The following PAX6 variants were observed in gnomAD, a reference collection of about 807,000 sequenced individuals.
The protein encoded by PAX6 is paired box 6, also known as paired box protein Pax-6.
PAX6 carries 7 observed loss-of-function variants against 60.7 expected under a neutral mutation model. The observed-to-expected ratio is 0.12, with a 90% CI of 0.07 to 0.22. PAX6 has a LOEUF of 0.22. PAX6 is among the 10% of genes least tolerant of loss of function. The probability of loss-of-function intolerance (pLI) is 1.00; values close to 1 mark genes in which losing one functional copy is unlikely to be tolerated. For missense variants in PAX6, 355 were observed against 555.2 expected (o/e 0.64, Z 3.62); for synonymous variants, 208 against 201.2 (o/e 1.03, Z -0.29).
Position 31,801,588 on chromosome 11 carries a change from C to G in PAX6, c.372G>C (p.Gly124=). ...TTGGTATGTTATCGTTGGTACAGAC[C>G]CCCTCGGACAGTAATCTGTCTCGGA... ...WEIRDRLLSE[G]VCTNDNIPSV... Residue 124 remains glycine, a synonymous_variant, in exon 7 of 14, where the codon GGG becomes GGC. Coordinates refer to ENST00000640368, the MANE Select transcript of PAX6 (RefSeq NM_001368894.2). 1 of 1,614,070 alleles carries G rather than the reference C, an allele frequency of 6.2e-7. No individual in the cohort carries two copies. The highest frequency in any genetic ancestry group is 8.5e-7 in the Non-Finnish European group (1 of 1,180,010).
chr11:31,810,345 A>G (rs975797503), intron 2 of PAX6: 1 of 152,342 alleles, frequency 6.6e-6, no homozygotes, highest in African/African-American at 2.4e-5. Flanking sequence ...TCCCTCGGCG[A>G]GTCCTCGGAG....
intron 2 of PAX6, chr11:31,807,534 C>G (rs1956113127): frequency 6.6e-6 from 1 of 152,276 alleles, no homozygotes; most frequent in Non-Finnish European, 1.5e-5. Context: ...AAGGGGCAAG[C>G]CCAACTTTTT....
intron 4 of PAX6, chr11:31,805,449 G>A (rs1455190779): frequency 1.3e-5 from 2 of 152,650 alleles, no homozygotes; most frequent in East Asian, 3.9e-4. Context: ...AGGTGCTGGG[G>A]ACCCTCCTTA....
intron 8 of PAX6, among the ~76,000 whole-genome samples, chr11:31,796,237 A>T (rs904867840): frequency 2.0e-5 from 3 of 152,144 alleles, no homozygotes; most frequent in Non-Finnish European, 2.9e-5. Flanking sequence ...GAGTAAGGGA[A>T]ACTATTAAAC....
chr11:31,792,569 C>T (rs1188195582), intron 12 of PAX6: 1 of 152,654 alleles, frequency 6.6e-6, no homozygotes, highest in Non-Finnish European at 1.5e-5. Context: ...GTTGCACAAA[C>T]AGGAGTTCTA....
At position 31,790,719 on chromosome 11, in the gene PAX6, T is replaced by C. The variant is rs1322265047; in HGVS notation, c.1216A>G (p.Thr406Ala). 6.2e-7 allele frequency: 1 copy of C among 1,614,036 alleles called. No homozygotes were observed. Among genetic ancestry groups the C allele is most frequent in the South Asian group, 1.1e-5 (1 of 91,058 alleles). The change falls in exon 13 of 14, where the codon ACT (threonine) becomes GCT (alanine). Residue 406 changes from threonine (T) to alanine (A), a missense_variant. This residue lies in a region of PAX6 where 149 missense variants were observed against 191.9 expected (regional missense o/e 0.78). Transcript: ENST00000640368. ...GAAAGCAGTGGCTCACCTGTTGAAGTGGTGCCCGAGGTGCCCATTGGCTGA... is the reference window on the plus strand; with the variant it reads ...GAAAGCAGTGGCTCACCTGTTGAAGCGGTGCCCGAGGTGCCCATTGGCTGA... Reference protein sequence around the residue: ...NSQPMGTSGTTSTGLISPGVS... With the variant: ...NSQPMGTSGTASTGLISPGVS...
At chr11:31,800,590 C>T in intron 8 of PAX6, 101 bp downstream of exon 8, 2 of 1,383,488 alleles carry the variant, frequency 1.4e-6, no homozygotes, top group South Asian at 2.3e-5. Flanking sequence ...CCATGACATT[C>T]CCCAAGCATG....
chr11:31,812,128 G>T (rs1276877419), upstream of PAX6: 1 of 152,340 alleles, frequency 6.6e-6, no homozygotes, highest in African/African-American at 2.4e-5. Context: ...AAGCCCTGAA[G>T]AGTCCTCACC....
chr11:31,790,892 G>A (rs760026557), intron 12 of PAX6, 32 bp from the exon 13 acceptor site: 13 of 1,610,488 alleles, frequency 8.1e-6, no homozygotes, highest in African/African-American at 1.3e-5. Context: ...TGTGGTTACT[G>A]AGGAACACAT....
rs1297422442 is a variant in PAX6, at chr11:31,800,792, C to T, written c.464G>A (p.Gly155Asp). ...CAACATCCTTAGTTTATCATACATG[C>T]CGTCTGCGCCCATCTGTTGCTTTTC... ...ASEKQQMGAD[G>D]MYDKLRMLNG... Residue 155 changes from glycine to aspartate, a missense_variant, in exon 8 of 14, where the codon GGC becomes GAC. Physicochemically the swap from Gly to Asp is moderately conservative, Grantham distance 94. This residue lies in a region of PAX6 where 143 missense variants were observed against 183.6 expected (regional missense o/e 0.78). Transcript: ENST00000640368. 1 of 1,614,200 alleles carries T rather than the reference C, an allele frequency of 6.2e-7. No homozygotes were observed. Among genetic ancestry groups the T allele is most frequent in the Admixed American group, 1.7e-5 (1 of 60,026 alleles).
At chr11:31,796,820 A>G (rs956243499) in intron 8 of PAX6, among the ~76,000 whole-genome samples, 9 of 152,152 alleles carry the variant, frequency 5.9e-5, no homozygotes, top group Non-Finnish European at 1.2e-4. Flanking sequence ...GCCAGAGAAT[A>G]TTAGTAACTG....
At chr11:31,810,448 C>G (rs1328360590) in intron 2 of PAX6, 1 of 160,658 alleles carries the variant, frequency 6.2e-6, no homozygotes, top group Admixed American at 6.5e-5. Flanking sequence ...TTGGGCACCA[C>G]AGAGCCTCTT....
chr11:31,806,531 G>A (rs1955853112), intron 3 of PAX6, 69 bp from the exon 4 acceptor site: 7 of 1,204,038 alleles, frequency 5.8e-6, no homozygotes, highest in African/African-American at 3.0e-5. Flanking sequence ...CCCAACCGAG[G>A]TGGACCTGGG....
chr11:31,814,630 G>A (rs899405193), upstream of PAX6: 1 of 152,282 alleles, frequency 6.6e-6, no homozygotes, highest in Non-Finnish European at 1.5e-5. Flanking sequence ...GCAGACCCTG[G>A]GAAGGTGGGA....
At chr11:31,815,443 C>A (rs1397048423), upstream of PAX6, among the ~76,000 whole-genome samples, 1 of 152,112 alleles carries the variant, frequency 6.6e-6, no homozygotes, top group Non-Finnish European at 1.5e-5. Flanking sequence ...GGCCAACGAC[C>A]CGGTCCTGCG....
upstream of PAX6, chr11:31,811,930 G>C (rs1162904726): frequency 6.6e-6 from 1 of 152,292 alleles, no homozygotes; most frequent in Non-Finnish European, 1.5e-5. Context: ...AGAACTAAAC[G>C]AGGCCAGAGG....
At chr11:31,810,799 A>G (rs1373213716) in intron 2 of PAX6, 29 bp downstream of exon 2, 1 of 399,014 alleles carries the variant, frequency 2.5e-6, no homozygotes, top group African/African-American at 2.1e-5. Context: ...TGCAATAAAA[A>G]TAAAGCGAGA....
intron 7 of PAX6, 183 bp from the exon 8 acceptor site, chr11:31,801,039 T>C: frequency 3.8e-6 from 3 of 788,350 alleles, no homozygotes; most frequent in Non-Finnish European, 6.3e-6. Context: ...ACTTTGGGCA[T>C]GGAAATTTAG....
At position 31,794,217 on chromosome 11, in the gene PAX6, C is replaced by T; in HGVS notation, c.725-103G>A. The T allele has an allele frequency of 3.7e-6, 3 of 814,184 alleles. No homozygotes were observed. In the South Asian group the frequency reaches 4.0e-5, roughly 11 times the overall value. The allele number at this position is 814,184 out of a possible 1,614,324, so 50.4% of individuals were successfully genotyped here. ...TCCCACCTCCCCACTCCCATTACCT[C>T]CAACCAATTCCCTTTAAAATGCTTC... On this transcript the variant is annotated intron_variant, in intron 9 of 13. Transcript: ENST00000640368.
Sources: gnomAD v4.1 joint callset for allele counts (sites outside exome capture counted in the v4.1 genomes callset) on GRCh38, gnomAD v4.1.1 for gene constraint, gnomAD v4.1.1 regional missense constraint, MANE v1.5 for transcripts, NCBI Gene and HGNC (gene_info 2026-07-23, HGNC 2026-07-21) for gene names.